The following PTK2B variants were observed in gnomAD, a reference collection of about 807,000 sequenced individuals.
PTK2B encodes the protein protein-tyrosine kinase 2-beta.
PTK2B carries 71 observed loss-of-function variants against 142.9 expected under a neutral mutation model. That is an observed-to-expected ratio of 0.50 (90% CI 0.41 to 0.61). The LOEUF is 0.61. PTK2B is among the 20% of genes least tolerant of loss of function. The pLI, the probability that PTK2B is intolerant of heterozygous loss-of-function variation, is 0.00. For synonymous variants in PTK2B, 519 were observed against 503.4 expected, an observed-to-expected ratio of 1.03 and a Z score of -0.42; for missense variants, 1,105 against 1,320.4, an observed-to-expected ratio of 0.84 and a Z score of 2.53.
At chr8:27,311,235 T>C (rs886367509), upstream of PTK2B, 11 of 1,528,290 alleles carry the variant, frequency 7.2e-6, no homozygotes, top group African/African-American at 1.4e-5. Flanking sequence ...CTCCGCTCCA[T>C]GGCACGAGCA....
chr8:27,443,816 C>T (rs550573315), intron 22 of PTK2B, among the ~76,000 whole-genome samples: 13 of 152,342 alleles, frequency 8.5e-5, no homozygotes, highest in Non-Finnish European at 1.5e-4. Flanking sequence ...CCCCTCCCCG[C>T]GGGCCTGGCT....
chr8:27,434,440 C>A, intron 12 of PTK2B, 73 bp from the exon 13 acceptor site: 1 of 1,468,420 alleles, frequency 6.8e-7, no homozygotes, highest in Non-Finnish European at 9.3e-7. Context: ...GAGGAGAGGG[C>A]GGGCCGAGGC....
At chr8:27,310,660 C>T, upstream of PTK2B, 2 of 955,982 alleles carry the variant, frequency 2.1e-6, no homozygotes, top group Non-Finnish European at 3.1e-6. Context: ...GAACCTGGGT[C>T]GGAGAGGTGG....
intron 3 of PTK2B, among the ~76,000 whole-genome samples, chr8:27,314,354 TCGA>T: frequency 6.6e-6 from 1 of 151,554 alleles, no homozygotes; most frequent in African/African-American, 2.4e-5. Flanking sequence ...CTTTGGGAGG[TCGA>T]AGAAGGCCTT....
At position 27,325,575 on chromosome 8, in the gene PTK2B, G is replaced by A. The variant is rs867979493; in HGVS notation, c.-144G>A. The stretch of plus-strand genomic sequence containing the variant: ...GCCCTTTTACTCAGCCACAGCCTCC[G>A]GAGCCGTTGCACACCTACCTGCCCG... On this transcript the variant is annotated 5_prime_UTR_variant, in exon 1 of 31. Transcript: ENST00000346049. 2.6e-5 allele frequency: 4 copies of A among 152,376 alleles called. No homozygotes were observed. Among genetic ancestry groups the A allele is most frequent in the East Asian group, 1.9e-4 (1 of 5,190 alleles). The allele number at this position is 152,376 out of a possible 1,614,324, so 9.4% of individuals were successfully genotyped here. A position where few individuals can be genotyped will look rare whatever the true frequency, so the allele number is the denominator to read the frequency against.
intron 1 of PTK2B, among the ~76,000 whole-genome samples, chr8:27,365,906 G>A (rs1805993113): frequency 6.6e-6 from 1 of 152,132 alleles, no homozygotes; most frequent in Non-Finnish European, 1.5e-5. Flanking sequence ...ACCAATTAAG[G>A]ACTTCGGACT....
intron 1 of PTK2B, among the ~76,000 whole-genome samples, chr8:27,348,629 G>A (rs1249376232): frequency 6.6e-6 from 1 of 152,164 alleles, no homozygotes. Flanking sequence ...GTCAGAGGTG[G>A]CCAGCATTAT....
Position 27,379,519 on chromosome 8 carries a change from C to T in PTK2B, c.-37-18029C>T, listed in dbSNP as rs184854826. ...CTAGGATTACAGGCGTGAGCCACCA[C>T]ACCCAGCCTACCACAGCTGTTTTAA... On this transcript the variant is annotated intron_variant, in intron 1 of 30. Coordinates refer to ENST00000346049, the MANE Select transcript of PTK2B (RefSeq NM_173176.3). Among the ~76,000 whole-genome samples, 420 of 152,332 alleles carry T rather than the reference C, an allele frequency of 2.8e-3. 2 individuals are homozygous for T. The highest frequency in any genetic ancestry group is 9.4e-3 in the African/African-American group (391 of 41,574).
intron 1 of PTK2B, among the ~76,000 whole-genome samples, chr8:27,389,629 G>A (rs1403676799): frequency 6.6e-6 from 1 of 152,228 alleles, no homozygotes; most frequent in African/African-American, 2.4e-5. Flanking sequence ...TGGGTGCGGG[G>A]GTGGGGAGCT....
chr8:27,442,057 T>C (rs1811187821), intron 21 of PTK2B, among the ~76,000 whole-genome samples: 1 of 152,094 alleles, frequency 6.6e-6, no homozygotes. Context: ...CTCCTTAGAG[T>C]TCAGAAGGGA....
chr8:27,455,447 G>T (rs1258050091), intron 30 of PTK2B, among the ~76,000 whole-genome samples: 1 of 152,218 alleles, frequency 6.6e-6, no homozygotes, highest in Non-Finnish European at 1.5e-5. Flanking sequence ...TGCTCAGAAG[G>T]CTGAGGTGAG....
rs1199857556 is a variant in PTK2B, at chr8:27,439,121, C to G, written c.1734C>G (p.Asp578Glu). 6.2e-7 allele frequency: 1 copy of G among 1,613,592 alleles called. No individual in the cohort carries two copies. The highest frequency in any genetic ancestry group is 8.5e-7 in the Non-Finnish European group (1 of 1,179,512). The change falls in exon 19 of 31, where the codon GAC becomes GAG. Residue 578 changes from aspartate (D) to glutamate (E), a missense_variant. Physicochemically the swap from Asp to Glu is conservative, Grantham distance 45. Transcript: ENST00000346049. The part of the protein sequence containing the change: ...FGLSRYIEDE[D>E]YYKASVTRLP... The stretch of plus-strand genomic sequence containing the variant: ...TTTCCCGGTACATTGAGGACGAGGA[C>G]TATTACAAAGGTGAGGGGGCTTCCC...
intron 5 of PTK2B, among the ~76,000 whole-genome samples, chr8:27,424,248 C>T (rs534720863): frequency 6.6e-6 from 1 of 152,314 alleles, no homozygotes; most frequent in African/African-American, 2.4e-5. Context: ...CACAAAGACC[C>T]ATTAACATTC....
intron 1 of PTK2B, among the ~76,000 whole-genome samples, chr8:27,367,800 C>T (rs1312331199): frequency 2.0e-5 from 3 of 152,170 alleles, no homozygotes; most frequent in African/African-American, 7.2e-5. Context: ...CCTTTTTAAA[C>T]AATCAGATCT....
chr8:27,397,045 G>A (rs1348308980), intron 1 of PTK2B, among the ~76,000 whole-genome samples: 3 of 152,130 alleles, frequency 2.0e-5, no homozygotes, highest in Non-Finnish European at 2.9e-5. Context: ...CCTCCACCTG[G>A]GCCCTTTCCT....
Position 27,442,430 on chromosome 8 carries a change from C to T in PTK2B, c.2040-445C>T, listed in dbSNP as rs1376965589. ...GGAGTGAACCCACATGCCTCATTAG[C>T]ACATACCGGGGATGCGTTGGGGGAT... is the stretch of plus-strand genomic sequence containing the variant. On this transcript the variant is annotated intron_variant, in intron 21 of 30. Transcript: ENST00000346049. 2.6e-5 allele frequency among the ~76,000 whole-genome samples: 4 copies of T among 152,198 alleles called. No individual in the cohort carries two copies. The Middle Eastern group carries it at 0.01, about 388-fold the overall frequency.
chr8:27,325,023 A>G (rs1264576430), upstream of PTK2B, among the ~76,000 whole-genome samples: 1 of 152,194 alleles, frequency 6.6e-6, no homozygotes, highest in Non-Finnish European at 1.5e-5. Flanking sequence ...TTCTGTGTTC[A>G]GGGACCTGGA....
intron 1 of PTK2B, among the ~76,000 whole-genome samples, chr8:27,368,650 C>T (rs910565921): frequency 6.6e-6 from 1 of 152,206 alleles, no homozygotes; most frequent in African/African-American, 2.4e-5. Flanking sequence ...CTTAGCAAAC[C>T]CTCTGGTTCC....
intron 4 of PTK2B, 110 bp downstream of exon 4, chr8:27,420,854 GC>G: frequency 1.0e-6 from 1 of 1,004,570 alleles, no homozygotes; most frequent in Non-Finnish European, 1.5e-6. Context: ...ATTATGGAGG[GC>G]CCAGGCTAGG....
Sources: gnomAD v4.1 joint callset for allele counts (sites outside exome capture counted in the v4.1 genomes callset) on GRCh38, gnomAD v4.1.1 for gene constraint, MANE v1.5 for transcripts, NCBI Gene and HGNC (gene_info 2026-07-23, HGNC 2026-07-21) for gene names.